KIAA0825: variants seen among roughly 807,000 people sequenced by gnomAD.
KIAA0825 encodes KIAA0825, also known as uncharacterized protein KIAA0825.
A neutral mutation model predicts 147.6 loss-of-function variants in KIAA0825; 119 were observed. The ratio of observed to expected loss-of-function variants is 0.81; its 90% CI spans 0.69 to 0.94. KIAA0825 has a LOEUF of 0.94. Among genes scored for constraint, KIAA0825 ranks in the 40% least tolerant of loss-of-function variants. KIAA0825 has a pLI of 0.00. For missense variants in KIAA0825, 1,381 were observed against 1,472.7 expected, an observed-to-expected ratio of 0.94 and a Z score of 1.02; for synonymous variants, 470 against 518.1, an observed-to-expected ratio of 0.91 and a Z score of 1.26.
At position 94,204,742 on chromosome 5, in the gene KIAA0825, C is replaced by T. The variant is rs557267138; in HGVS notation, c.3711-50618G>A. On this transcript the variant is annotated intron_variant, in intron 20 of 20. Transcript: ENST00000682413. The stretch of plus-strand genomic sequence containing the variant: ...CTGGGTATTTAAAACTATTCTCTGA[C>T]TAAACTGTTCATATGACCTCCTCTC... Among the ~76,000 whole-genome samples, 12 of 152,256 alleles carry T rather than the reference C, an allele frequency of 7.9e-5. No homozygotes were observed. The South Asian group carries it at 2.5e-3, about 32-fold the overall frequency.
Position 94,544,542 on chromosome 5 carries a change from G to A in KIAA0825, c.-1-7415C>T, listed in dbSNP as rs191772624. ...TTTCCATGCCTCCAGTTTATTCATT[G>A]GTCTGAGCCTCTTTACTTTCTATCT... is the stretch of plus-strand genomic sequence containing the variant. On this transcript the variant is annotated intron_variant, in intron 2 of 20. Coordinates refer to ENST00000682413, the MANE Select transcript of KIAA0825 (RefSeq NM_001145678.3). Among the ~76,000 whole-genome samples the A allele has an allele frequency of 7.8e-3, 1,189 of 152,162 alleles. 12 individuals carry two copies. Among genetic ancestry groups the A allele is most frequent in the Non-Finnish European group, 0.012 (802 of 68,020 alleles).
intron 1 of KIAA0825, among the ~76,000 whole-genome samples, chr5:94,587,689 A>G (rs568647476): frequency 6.6e-6 from 1 of 152,348 alleles, no homozygotes; most frequent in East Asian, 1.9e-4. Flanking sequence ...GAATTGGGAA[A>G]AACTACTTTA....
At chr5:94,412,008 C>A (rs946905493) in intron 15 of KIAA0825, among the ~76,000 whole-genome samples, 1 of 150,858 alleles carries the variant, frequency 6.6e-6, no homozygotes, top group South Asian at 2.1e-4. Context: ...CATCAAAAGA[C>A]CTTGTTAAGA....
intron 20 of KIAA0825, among the ~76,000 whole-genome samples, chr5:94,342,542 T>C (rs369892975): frequency 1.1e-4 from 17 of 152,304 alleles, no homozygotes; most frequent in Middle Eastern, 3.4e-3. Flanking sequence ...CTTTGATAAG[T>C]AAGAACTGAG....
intron 20 of KIAA0825, among the ~76,000 whole-genome samples, chr5:94,233,948 G>A (rs1236919535): frequency 6.6e-6 from 1 of 152,144 alleles, no homozygotes; most frequent in Non-Finnish European, 1.5e-5. Flanking sequence ...TTGAAGGTTT[G>A]TGGCAACCTT....
intron 3 of KIAA0825, among the ~76,000 whole-genome samples, chr5:94,536,525 C>T (rs531084732): frequency 2.4e-4 from 37 of 152,306 alleles, no homozygotes; most frequent in South Asian, 1.0e-3. Context: ...TTTGGTAACA[C>T]GACTTTTTGG....
rs1176429699 is a variant in KIAA0825 at position 94,565,095 on chromosome 5, C to CTTTTT, written c.-2+17333_-2+17337dup. Among the ~76,000 whole-genome samples the CTTTTT allele has an allele frequency of 8.9e-4, 47 of 52,922 alleles. 3 individuals are homozygous for CTTTTT. Among genetic ancestry groups the CTTTTT allele is most frequent in the African/African-American group, 2.9e-3 (37 of 12,750 alleles). 34.7% of individuals were successfully genotyped at this position (52,922 alleles called of 152,430 possible). On this transcript the variant is annotated intron_variant, in intron 2 of 20. Coordinates refer to ENST00000682413, the MANE Select transcript of KIAA0825 (RefSeq NM_001145678.3). ...CTCTTTCTCTCTCTTTCTTGCTTTC[C>CTTTTT]TTTTTTTTTTTTTTTTTTGGTAGAG...
At chr5:94,203,073 A>C (rs534781712) in intron 20 of KIAA0825, among the ~76,000 whole-genome samples, 4 of 152,330 alleles carry the variant, frequency 2.6e-5, no homozygotes, top group Non-Finnish European at 4.4e-5. Flanking sequence ...TAAAATGTTC[A>C]TTATTCCTAA....
chr5:94,318,375 T>C (rs1288660081), intron 20 of KIAA0825, among the ~76,000 whole-genome samples: 2 of 151,880 alleles, frequency 1.3e-5, no homozygotes, highest in African/African-American at 4.8e-5. Flanking sequence ...GAAATTTTAT[T>C]AGTAAACTGA....
At chr5:94,332,175 A>G (rs1240290078) in intron 20 of KIAA0825, among the ~76,000 whole-genome samples, 5 of 150,938 alleles carry the variant, frequency 3.3e-5, no homozygotes, top group East Asian at 1.9e-4. Flanking sequence ...AAAAAAAAAA[A>G]AAAGAAAAGA....
chr5:94,541,753 G>A (rs1374232026), intron 2 of KIAA0825, among the ~76,000 whole-genome samples: 1 of 152,164 alleles, frequency 6.6e-6, no homozygotes, highest in Non-Finnish European at 1.5e-5. Flanking sequence ...TGTCTGTAAG[G>A]TTTTATTAAG....
intron 1 of KIAA0825, chr5:94,594,625 T>C: frequency 1.5e-6 from 1 of 654,712 alleles, no homozygotes. Context: ...TGTAGAAATA[T>C]CCTTCACATA....
chr5:94,505,459 A>G (rs1326542628), intron 5 of KIAA0825, among the ~76,000 whole-genome samples: 1 of 152,154 alleles, frequency 6.6e-6, no homozygotes, highest in Non-Finnish European at 1.5e-5. Flanking sequence ...TTCAAGATTA[A>G]ATCAAAGTTA....
At chr5:94,180,380 G>A (rs1391497793) in intron 20 of KIAA0825, among the ~76,000 whole-genome samples, 1 of 152,076 alleles carries the variant, frequency 6.6e-6, no homozygotes, top group Admixed American at 6.6e-5. Flanking sequence ...TCGTAGATTG[G>A]AAGCAACTAG....
At chr5:94,589,622 G>C (rs144638867) in intron 1 of KIAA0825, among the ~76,000 whole-genome samples, 1 of 151,862 alleles carries the variant, frequency 6.6e-6, no homozygotes, top group Non-Finnish European at 1.5e-5. Flanking sequence ...TGTACATCTC[G>C]TTGTATTTAT....
chr5:94,286,935 C>T (rs1777686484), intron 20 of KIAA0825, among the ~76,000 whole-genome samples: 1 of 152,120 alleles, frequency 6.6e-6, no homozygotes, highest in African/African-American at 2.4e-5. Context: ...GCTAGTTCCA[C>T]ACCTCCCTGG....
intron 20 of KIAA0825, among the ~76,000 whole-genome samples, chr5:94,272,802 G>C (rs536273207): frequency 1.3e-5 from 2 of 152,152 alleles, no homozygotes; most frequent in African/African-American, 4.8e-5. Context: ...ATGGCTTAGG[G>C]CATGTTCCCA....
At chr5:94,573,682 G>A (rs898947856) in intron 2 of KIAA0825, among the ~76,000 whole-genome samples, 4 of 152,192 alleles carry the variant, frequency 2.6e-5, no homozygotes, top group Non-Finnish European at 4.4e-5. Context: ...AGGATTGGGA[G>A]GGCCTGGAAG....
chr5:94,395,046 T>A (rs1750453010), intron 17 of KIAA0825, among the ~76,000 whole-genome samples: 1 of 152,232 alleles, frequency 6.6e-6, no homozygotes, highest in Non-Finnish European at 1.5e-5. Context: ...AGTTTATACA[T>A]AATAATGCCT....
Sources: allele counts gnomAD v4.1 joint callset (sites outside exome capture counted in the v4.1 genomes callset), GRCh38; gene constraint gnomAD v4.1.1; transcripts MANE v1.5; gene names NCBI Gene and HGNC (gene_info 2026-07-23, HGNC 2026-07-21).